The following TCF12 variants were observed in gnomAD, a reference collection of about 807,000 sequenced individuals.
TCF12 encodes the protein DNA-binding protein HTF4.
A neutral mutation model predicts 86.0 loss-of-function variants in TCF12; 45 were observed. The ratio of observed to expected loss-of-function variants is 0.52; its 90% CI spans 0.41 to 0.67. The LOEUF (loss-of-function observed/expected upper bound fraction) is 0.67. Among genes scored for constraint, TCF12 ranks in the 30% least tolerant of loss-of-function variants. The pLI is 0.00. For synonymous variants in TCF12, 330 were observed against 299.6 expected (o/e 1.10, Z -1.05); for missense variants, 881 against 859.9 (o/e 1.02, Z -0.31).
intron 4 of TCF12, among the ~76,000 whole-genome samples, chr15:57,074,359 TTAAAAAA>T (rs2069694145): frequency 1.0e-5 from 1 of 97,018 alleles, no homozygotes; most frequent in Non-Finnish European, 1.9e-5. Flanking sequence ...CCCATTTTGA[TTAAAAAA>T]AAAAAAAAAA....
intron 3 of TCF12, among the ~76,000 whole-genome samples, chr15:57,060,102 C>G (rs1170734560): frequency 6.6e-6 from 1 of 152,184 alleles, no homozygotes; most frequent in Non-Finnish European, 1.5e-5. Flanking sequence ...ACCTTAAAAA[C>G]TTGAATTTTA....
intron 3 of TCF12, among the ~76,000 whole-genome samples, chr15:56,940,234 A>G (rs2060670854): frequency 6.6e-6 from 1 of 152,044 alleles, no homozygotes; most frequent in Non-Finnish European, 1.5e-5. Flanking sequence ...GCAGTCATAA[A>G]AGCAGAAGAA....
At chr15:57,253,209 G>C in intron 15 of TCF12, 53 bp from the exon 16 acceptor site, 3 of 1,594,264 alleles carry the variant, frequency 1.9e-6, no homozygotes, top group Non-Finnish European at 1.7e-6. Flanking sequence ...AGCAGTTAAT[G>C]AATCTAACAG....
chr15:57,046,980 G>A (rs1340658774), intron 3 of TCF12, among the ~76,000 whole-genome samples: 2 of 152,144 alleles, frequency 1.3e-5, no homozygotes, highest in African/African-American at 2.4e-5. Flanking sequence ...AAGAAGCCCT[G>A]TCTGGTTCCT....
In TCF12 at chr15:56,950,745, GTTTTTTTTTTTTTTTT is replaced by G. The variant is rs71113040; in HGVS notation, c.148+29660_148+29675del. ...TTACAAATAAAGCTATTATGACCAT[GTTTTTTTTTTTTTTTT>G]TTTTTTTTTTTTAAGTTAGAGTTTT... On this transcript the variant is annotated intron_variant, in intron 3 of 20. Coordinates refer to ENST00000333725, the MANE Select transcript of TCF12 (RefSeq NM_207037.2). Among the ~76,000 whole-genome samples, 22 of 85,900 alleles carry G rather than the reference GTTTTTTTTTTTTTTTT, an allele frequency of 2.6e-4. 1 individual carries two copies. Among genetic ancestry groups the G allele is most frequent in the African/African-American group, 1.1e-3 (22 of 19,194 alleles). 56.4% of individuals were successfully genotyped at this position (85,900 alleles called of 152,430 possible). A position where few individuals can be genotyped will look rare whatever the true frequency, so the allele number is the denominator to read the frequency against.
intron 6 of TCF12, among the ~76,000 whole-genome samples, chr15:57,184,293 C>G (rs1450712218): frequency 1.3e-5 from 2 of 152,156 alleles, no homozygotes; most frequent in Non-Finnish European, 2.9e-5. Context: ...TCATTTGAGA[C>G]TGTTTTTCAA....
chr15:57,291,261 C>T (rs1483382774), downstream of TCF12: 2 of 152,212 alleles, frequency 1.3e-5, no homozygotes, highest in African/African-American at 4.8e-5. Flanking sequence ...TACTTTCAAT[C>T]ATCTCTACTC....
chr15:57,154,240 A>G (rs1420831844), intron 5 of TCF12, among the ~76,000 whole-genome samples: 1 of 152,174 alleles, frequency 6.6e-6, no homozygotes, highest in Non-Finnish European at 1.5e-5. Flanking sequence ...TCTTCGCTAG[A>G]TGAAAACATT....
At chr15:57,067,692 C>G (rs1319410115) in intron 4 of TCF12, among the ~76,000 whole-genome samples, 1 of 152,104 alleles carries the variant, frequency 6.6e-6, no homozygotes, top group Non-Finnish European at 1.5e-5. Flanking sequence ...TCCTTCCTCT[C>G]TACTTTTGTT....
chr15:57,101,851 A>G (rs1438731108), intron 5 of TCF12, among the ~76,000 whole-genome samples: 1 of 152,226 alleles, frequency 6.6e-6, no homozygotes, highest in East Asian at 1.9e-4. Flanking sequence ...TCCACTTCAC[A>G]GCAAATTAAA....
chr15:56,968,356 CT>C (rs1567180143), intron 3 of TCF12, among the ~76,000 whole-genome samples: 2 of 131,030 alleles, frequency 1.5e-5, no homozygotes, highest in Non-Finnish European at 1.6e-5. Context: ...TTCATATTAC[CT>C]TTTTTTGTTT....
chr15:57,270,086 G>A (rs2061062609), intron 18 of TCF12, among the ~76,000 whole-genome samples: 1 of 152,328 alleles, frequency 6.6e-6, no homozygotes, highest in African/African-American at 2.4e-5. Context: ...TGTATTTCCT[G>A]AATTTGAATG....
At chr15:57,219,309 G>A in intron 8 of TCF12, 1 of 1,227,488 alleles carries the variant, frequency 8.1e-7, no homozygotes. Context: ...CCAATGCAAG[G>A]ACTTGATGGA....
rs1451203529 is a variant in TCF12, at chr15:57,262,036, G to A, written c.1468-58G>A. On this transcript the variant is annotated intron_variant, in intron 16 of 20. Transcript: ENST00000333725. ...TAAACCTAGTAAAATAATTTGGACA[G>A]TTATTGCCTCTGAACTATCTTAATC... 7 of 1,181,192 alleles carry A rather than the reference G, an allele frequency of 5.9e-6. No individual in the cohort carries two copies. In the African/African-American group the frequency reaches 9.4e-5, roughly 16 times the overall value. 73.2% of individuals were successfully genotyped at this position (1,181,192 alleles called of 1,614,324 possible). A position where few individuals can be genotyped will look rare whatever the true frequency, so the allele number is the denominator to read the frequency against.
At chr15:57,049,851 T>A (rs1032182987) in intron 3 of TCF12, among the ~76,000 whole-genome samples, 45 of 152,252 alleles carry the variant, frequency 3.0e-4, no homozygotes, top group African/African-American at 1.1e-3. Context: ...TTGATATATT[T>A]AGTTTTGTAA....
rs1022651774 is a variant in TCF12, at chr15:57,090,032, T to C, written c.223-1757T>C. ...GAGTTTGAGACCAACCTGGGCAACA[T>C]AGTGAGACCCCATCTCTTCAAAAAA... On this transcript the variant is annotated intron_variant, in intron 4 of 20. Coordinates refer to ENST00000333725, the MANE Select transcript of TCF12 (RefSeq NM_207037.2). 5.3e-5 allele frequency among the ~76,000 whole-genome samples: 8 copies of C among 152,188 alleles called. No homozygotes were observed. The South Asian group carries it at 1.7e-3, about 32-fold the overall frequency.
intron 3 of TCF12, among the ~76,000 whole-genome samples, chr15:57,059,135 A>T (rs764677133): frequency 5.3e-5 from 8 of 152,170 alleles, no homozygotes; most frequent in Non-Finnish European, 1.0e-4. Context: ...GACAGTGCTG[A>T]GATTTGATAT....
At chr15:57,166,014 C>T (rs1420895379) in intron 5 of TCF12, among the ~76,000 whole-genome samples, 1 of 151,840 alleles carries the variant, frequency 6.6e-6, no homozygotes, top group Non-Finnish European at 1.5e-5. Flanking sequence ...TTACATGCTA[C>T]TTTATATAGC....
At chr15:56,928,543 A>T (rs746789510) in intron 3 of TCF12, among the ~76,000 whole-genome samples, 74 of 152,328 alleles carry the variant, frequency 4.9e-4, no homozygotes, top group Middle Eastern at 3.4e-3. Context: ...AGTGCCATAA[A>T]ATTGTGTATA....
Sources: allele counts gnomAD v4.1 joint callset (sites outside exome capture counted in the v4.1 genomes callset), GRCh38; gene constraint gnomAD v4.1.1; transcripts MANE v1.5; gene names NCBI Gene and HGNC (gene_info 2026-07-23, HGNC 2026-07-21).